CLEC16A: variants seen among roughly 807,000 people sequenced by gnomAD.
CLEC16A encodes protein CLEC16A.
CLEC16A carries 51 observed loss-of-function variants against 109.5 expected under a neutral mutation model. The observed-to-expected ratio is 0.47, with a 90% CI of 0.37 to 0.59. The LOEUF (loss-of-function observed/expected upper bound fraction) is 0.59, where lower values mean the gene tolerates loss of function less well. CLEC16A is among the 20% of genes least tolerant of loss of function. The pLI is 0.00. For missense variants in CLEC16A, 1,339 were observed against 1,394.0 expected (o/e 0.96, Z 0.63); for synonymous variants, 673 against 564.2 (o/e 1.19, Z -2.73).
chr16:11,077,459 G>A (rs1192065478), intron 19 of CLEC16A, among the ~76,000 whole-genome samples: 5 of 141,078 alleles, frequency 3.5e-5, no homozygotes, highest in Non-Finnish European at 7.5e-5. Context: ...GTGACAGAGT[G>A]AGACTCTGTC....
chr16:11,061,112 C>T (rs1179431084), intron 19 of CLEC16A, 90 bp downstream of exon 19: 2 of 1,372,180 alleles, frequency 1.5e-6, no homozygotes, highest in African/African-American at 2.9e-5. Context: ...CTGGGAGGGT[C>T]AGTGTGCAAC....
chr16:11,125,164 C>T (rs1299000726), intron 21 of CLEC16A, among the ~76,000 whole-genome samples: 4 of 152,176 alleles, frequency 2.6e-5, no homozygotes, highest in East Asian at 1.9e-4. Context: ...CACAGGCCCG[C>T]GTCCCACGTT....
intron 19 of CLEC16A, among the ~76,000 whole-genome samples, chr16:11,071,507 G>T (rs563683876): frequency 6.6e-6 from 1 of 151,894 alleles, no homozygotes; most frequent in African/African-American, 2.4e-5. Flanking sequence ...GATTGAGGGG[G>T]AAAAGTAGCC....
At chr16:10,982,551 T>C (rs746590079) in intron 9 of CLEC16A, among the ~76,000 whole-genome samples, 24 of 151,998 alleles carry the variant, frequency 1.6e-4, no homozygotes, top group Non-Finnish European at 4.4e-5. Flanking sequence ...AAGGAAGGAG[T>C]GTGCTGGTTT....
chr16:11,147,993 T>G (rs1391662996), intron 22 of CLEC16A, among the ~76,000 whole-genome samples: 3 of 152,206 alleles, frequency 2.0e-5, no homozygotes, highest in Non-Finnish European at 4.4e-5. Context: ...AAAAACTCTG[T>G]TCTTACTGGT....
chr16:11,029,452 C>G (rs1345484934), intron 13 of CLEC16A, among the ~76,000 whole-genome samples: 1 of 146,642 alleles, frequency 6.8e-6, no homozygotes, highest in Non-Finnish European at 1.6e-5. Context: ...CTTGATCTCC[C>G]TGAACTCCAG....
intron 1 of CLEC16A, 82 bp downstream of exon 1, chr16:10,944,879 G>A (rs1458710401): frequency 1.5e-6 from 2 of 1,360,538 alleles, no homozygotes; most frequent in African/African-American, 2.9e-5. Flanking sequence ...GCTCTAGGAG[G>A]CGTGAGAGCG....
intron 23 of CLEC16A, among the ~76,000 whole-genome samples, chr16:11,169,493 G>T (rs2068414681): frequency 6.6e-6 from 1 of 152,226 alleles, no homozygotes; most frequent in South Asian, 2.1e-4. Context: ...CACCATGTTG[G>T]CCAGGCTGGT....
intron 18 of CLEC16A, among the ~76,000 whole-genome samples, chr16:11,060,337 T>C (rs1164811719): frequency 6.6e-6 from 1 of 150,946 alleles, no homozygotes; most frequent in African/African-American, 2.5e-5. Context: ...TCACCCAGGG[T>C]AGGATTTTCC....
intron 13 of CLEC16A, 148 bp downstream of exon 13, chr16:11,025,069 G>A (rs552280304): frequency 1.0e-4 from 64 of 612,662 alleles, no homozygotes; most frequent in South Asian, 7.1e-4. Flanking sequence ...TTTGACTCCC[G>A]CTCCTCTTTA....
At chr16:11,009,123 T>C (rs1482245445) in intron 11 of CLEC16A, among the ~76,000 whole-genome samples, 10 of 152,306 alleles carry the variant, frequency 6.6e-5, no homozygotes, top group South Asian at 2.1e-4. Flanking sequence ...ACCCCACCCT[T>C]TGATGTTCTG....
intron 10 of CLEC16A, among the ~76,000 whole-genome samples, chr16:10,997,962 G>A (rs1000456023): frequency 1.4e-4 from 22 of 152,194 alleles, no homozygotes; most frequent in African/African-American, 4.8e-4. Context: ...GGTGGAACAT[G>A]TTTGTTTGAC....
chr16:10,947,953 G>A (rs1268757893), intron 1 of CLEC16A, among the ~76,000 whole-genome samples: 1 of 151,992 alleles, frequency 6.6e-6, no homozygotes, highest in Non-Finnish European at 1.5e-5. Context: ...GAGTGCAGTG[G>A]CACGATCTTG....
intron 19 of CLEC16A, among the ~76,000 whole-genome samples, chr16:11,108,967 C>A (rs1444146893): frequency 1.3e-5 from 2 of 151,844 alleles, no homozygotes; most frequent in Admixed American, 6.6e-5. Context: ...ACAAATTAGC[C>A]AGGCGTGGTG....
chr16:11,101,223 C>T (rs1324045654), intron 19 of CLEC16A, among the ~76,000 whole-genome samples: 3 of 152,198 alleles, frequency 2.0e-5, no homozygotes, highest in Non-Finnish European at 2.9e-5. Flanking sequence ...CTTCAGTTCT[C>T]GCAGTGATCT....
rs370740805 is a variant in CLEC16A at position 11,003,075 on chromosome 16, C to T, written c.1073C>T (p.Ala358Val). The T allele has an allele frequency of 1.4e-5, 23 of 1,608,630 alleles. No homozygotes were observed. In the African/African-American group the frequency reaches 2.7e-4, roughly 19 times the overall value. Residue 358 changes from alanine to valine, a missense_variant and splice_region_variant, in exon 11 of 24, where the codon GCC (alanine) becomes GTC (valine). Coordinates refer to ENST00000409790, the MANE Select transcript of CLEC16A (RefSeq NM_015226.3). ...KTEQDIQRSS[A>V]KPSIRCFIKP... ...GTTGCCTTCGTTGGACTTTCCTAGG[C>T]CAAGCCCAGCATTCGGTGCTTCATT...
chr16:11,068,995 T>C (rs1254279612), intron 19 of CLEC16A, among the ~76,000 whole-genome samples: 1 of 150,922 alleles, frequency 6.6e-6, no homozygotes, highest in Admixed American at 6.6e-5. Flanking sequence ...TCTTTTTTTT[T>C]TTTTTTTTTG....
At chr16:11,092,467 A>AG in intron 19 of CLEC16A, among the ~76,000 whole-genome samples, 1 of 151,684 alleles carries the variant, frequency 6.6e-6, no homozygotes, top group South Asian at 2.1e-4. Flanking sequence ...GGAGGATCAC[A>AG]GCCTCCCGGG....
intron 11 of CLEC16A, among the ~76,000 whole-genome samples, chr16:11,011,906 C>A (rs537632212): frequency 6.6e-6 from 1 of 152,026 alleles, no homozygotes; most frequent in South Asian, 2.1e-4. Flanking sequence ...CTCCTAACAA[C>A]GTCTACTCAC....
Sources: gnomAD v4.1 joint callset for allele counts (sites outside exome capture counted in the v4.1 genomes callset) on GRCh38, gnomAD v4.1.1 for gene constraint, MANE v1.5 for transcripts, NCBI Gene and HGNC (gene_info 2026-07-23, HGNC 2026-07-21) for gene names.